CAPG: variants seen among roughly 807,000 people sequenced by gnomAD.
CAPG encodes capping actin protein, gelsolin like, also known as macrophage-capping protein.
Under a neutral mutation model 44.6 loss-of-function variants are expected in CAPG, and 32 were observed. That is an observed-to-expected ratio of 0.72 (90% CI 0.54 to 0.96). The LOEUF (loss-of-function observed/expected upper bound fraction) is 0.96, where lower values mean the gene tolerates loss of function less well. Ranked by LOEUF, CAPG falls within the 50% of genes least tolerant of loss-of-function variation. The pLI, the probability that CAPG is intolerant of heterozygous loss-of-function variation, is 0.00. For synonymous variants in CAPG, 175 were observed against 179.6 expected (o/e 0.97, Z 0.20); for missense variants, 412 against 438.3 (o/e 0.94, Z 0.54).
At chr2:85,405,819 C>G (rs13020378) in intron 1 of CAPG, among the ~76,000 whole-genome samples, 12,111 of 152,246 alleles carry the variant, frequency 0.08, 644 homozygotes, top group Middle Eastern at 0.2. Flanking sequence ...ACATCCCCTG[C>G]AACAGGCAGC....
chr2:85,393,574 A>C (rs1224556526), downstream of CAPG, among the ~76,000 whole-genome samples: 1 of 150,432 alleles, frequency 6.6e-6, no homozygotes, highest in South Asian at 2.1e-4. Flanking sequence ...TTTCTTTTTT[A>C]TTTTTATTTT....
At chr2:85,404,839 GGAGT>G (rs894007002) in intron 1 of CAPG, among the ~76,000 whole-genome samples, 1 of 151,910 alleles carries the variant, frequency 6.6e-6, no homozygotes, top group African/African-American at 2.4e-5. Flanking sequence ...AGGAGGCTGA[GGAGT>G]GAGTATCGCT....
chr2:85,398,660 C>CAA (rs1686726158), intron 7 of CAPG, 30 bp downstream of exon 7: 1 of 1,554,610 alleles, frequency 6.4e-7, no homozygotes, highest in Non-Finnish European at 8.8e-7. Context: ...TCCCTGCTGC[C>CAA]GGGTCCCAGG....
Position 85,398,405 on chromosome 2 carries a change from A to T in CAPG, c.760-253T>A, listed in dbSNP as rs992086586. ...GGAAATTAGGTGGATTCCAAATTAC[A>T]AAGAAATGCACAGAATTCAAGAAAG... On this transcript the variant is annotated intron_variant, in intron 7 of 9. Coordinates refer to ENST00000263867, the MANE Select transcript of CAPG (RefSeq NM_001747.4). 5 of 587,926 alleles carry T rather than the reference A, an allele frequency of 8.5e-6. No homozygotes were observed. In the African/African-American group the frequency reaches 9.3e-5, roughly 11 times the overall value. The allele number at this position is 587,926 out of a possible 1,614,324, so 36.4% of individuals were successfully genotyped here.
chr2:85,415,485 G>T lies in CAPG; in HGVS notation c.-14+2782C>A, dbSNP rs191390872. On this transcript the variant is annotated intron_variant, in intron 1 of 5. Coordinates refer to the CAPG transcript ENST00000409275. ...CAGTTTTGACAGATGCAACACCCAT[G>T]TAACCCACATCCCTACCAAGATATA... 8.5e-5 allele frequency among the ~76,000 whole-genome samples: 13 copies of T among 152,308 alleles called. No homozygotes were observed. The East Asian group carries it at 2.5e-3, about 29-fold the overall frequency.
rs370042827 is a variant in CAPG, at chr2:85,394,885, G to C, written c.*8C>G. 1 of 1,607,650 alleles carries C rather than the reference G, an allele frequency of 6.2e-7. No homozygotes were observed. Among genetic ancestry groups the C allele is most frequent in the African/African-American group, 1.3e-5 (1 of 74,810 alleles). On this transcript the variant is annotated 3_prime_UTR_variant, in exon 10 of 10. Transcript: ENST00000263867. ...GCAGGGGAGCATGGGGCAGGAAGAC[G>C]CCCACCCTCATTTCCAGTCCTTGAA... is the stretch of plus-strand genomic sequence containing the variant.
At chr2:85,402,270 T>TCCA in intron 1 of CAPG, 112 bp from the exon 2 acceptor site, 1 of 780,664 alleles carries the variant, frequency 1.3e-6, no homozygotes, top group Non-Finnish European at 2.2e-6. Flanking sequence ...CATCAACTAC[T>TCCA]CCACCTCTAG....
rs1686566226 is a variant in CAPG, at chr2:85,395,720, G to A, written c.893-94C>T. On this transcript the variant is annotated intron_variant, in intron 8 of 9. Transcript: ENST00000263867. The surrounding 1 kb of genome is among the most constrained non-coding windows in gnomAD (Gnocchi z 4.3). ...AGGAAATTTAAGGGAGTCCACAGAA[G>A]AGCCAGCAATTTTTACAATAAATGG... is the stretch of plus-strand genomic sequence containing the variant. 2 of 843,356 alleles carry A rather than the reference G, an allele frequency of 2.4e-6. No individual in the cohort carries two copies. The highest frequency in any genetic ancestry group is 3.8e-6 in the Non-Finnish European group (2 of 522,188). 52.2% of individuals were successfully genotyped at this position (843,356 alleles called of 1,614,324 possible).
chr2:85,392,315 G>A (rs1390486194), downstream of CAPG, among the ~76,000 whole-genome samples: 6 of 152,048 alleles, frequency 3.9e-5, no homozygotes, highest in African/African-American at 1.2e-4. Flanking sequence ...GTGTGAACCC[G>A]GGAGGCGGAG....
rs750621007 is a variant in CAPG, at chr2:85,401,392, C to T, written c.352-63G>A. 1.1e-5 allele frequency: 18 copies of T among 1,584,238 alleles called. No homozygotes were observed. The East Asian group carries it at 4.0e-4, about 36-fold the overall frequency. The stretch of plus-strand genomic sequence containing the variant: ...AGACCCAGAGCCCTCTGCACCCCAT[C>T]CCACTGGAAGACGGGCAGAAAGGTG... On this transcript the variant is annotated intron_variant, in intron 4 of 9. Coordinates refer to ENST00000263867, the MANE Select transcript of CAPG (RefSeq NM_001747.4).
chr2:85,396,030 C>A (rs1376808257), intron 8 of CAPG: 1 of 187,002 alleles, frequency 5.3e-6, no homozygotes, highest in Non-Finnish European at 1.1e-5. Context: ...ACAAAGGGTA[C>A]AATTTATTAT....
At chr2:85,393,966 G>A (rs1377504061), downstream of CAPG, among the ~76,000 whole-genome samples, 3 of 152,230 alleles carry the variant, frequency 2.0e-5, no homozygotes, top group Non-Finnish European at 4.4e-5. Context: ...CTGGAGCTCA[G>A]AAGCCACATA....
chr2:85,403,052 T>G (rs1352247656), intron 1 of CAPG, among the ~76,000 whole-genome samples: 1 of 152,200 alleles, frequency 6.6e-6, no homozygotes, highest in African/African-American at 2.4e-5. Flanking sequence ...ATTACAGGCG[T>G]GAGCCACCGT....
At chr2:85,410,217 GC>G (rs993502356) in intron 1 of CAPG, 99 bp downstream of exon 1, 7 of 152,640 alleles carry the variant, frequency 4.6e-5, no homozygotes. Context: ...ACCACAGCCA[GC>G]CCTCGCCTGC....
chr2:85,402,027 C>T (rs538006072), intron 2 of CAPG, 70 bp from the exon 3 acceptor site: 15 of 1,610,360 alleles, frequency 9.3e-6, no homozygotes, highest in South Asian at 7.7e-5. Flanking sequence ...GCAGGCCTGG[C>T]GACTGCAGTC....
At chr2:85,405,024 CAACA>C (rs1475056578) in intron 1 of CAPG, among the ~76,000 whole-genome samples, 6 of 150,874 alleles carry the variant, frequency 4.0e-5, no homozygotes, top group African/African-American at 4.9e-5. Context: ...TATTAAAATA[CAACA>C]AACAAACAAA....
At chr2:85,401,387 C>G in intron 4 of CAPG, 58 bp from the exon 5 acceptor site, 1 of 1,586,152 alleles carries the variant, frequency 6.3e-7, no homozygotes, top group South Asian at 1.1e-5. Context: ...CCCTCTGCAC[C>G]CCATCCCACT....
At chr2:85,399,791 G>A (rs1275525589) in intron 5 of CAPG, among the ~76,000 whole-genome samples, 1 of 149,616 alleles carries the variant, frequency 6.7e-6, no homozygotes, top group African/African-American at 2.5e-5. Context: ...GCCCAGGCTG[G>A]AGTGCAATGG....
At chr2:85,405,973 T>G (rs1248348943) in intron 1 of CAPG, among the ~76,000 whole-genome samples, 1 of 152,162 alleles carries the variant, frequency 6.6e-6, no homozygotes, top group African/African-American at 2.4e-5. Flanking sequence ...TCAGGCAGCC[T>G]ACATGCCAGA....
Sources: gnomAD v4.1 joint callset for allele counts (sites outside exome capture counted in the v4.1 genomes callset) on GRCh38, gnomAD v4.1.1 for gene constraint, Gnocchi (gnomAD v3.1) non-coding constraint, MANE v1.5 for transcripts, NCBI Gene and HGNC (gene_info 2026-07-23, HGNC 2026-07-21) for gene names.